The following PCDH9 variants were observed in gnomAD, a reference collection of about 807,000 sequenced individuals.
PCDH9 encodes protocadherin 9.
Under a neutral mutation model 70.6 loss-of-function variants are expected in PCDH9, and 24 were observed. The observed-to-expected ratio is 0.34, with a 90% CI of 0.25 to 0.48. PCDH9 has a LOEUF of 0.48. Among genes scored for constraint, PCDH9 ranks in the 20% least tolerant of loss-of-function variants. The probability of loss-of-function intolerance (pLI) is 0.99; values close to 1 mark genes in which losing one functional copy is unlikely to be tolerated. For synonymous variants in PCDH9, 562 were observed against 558.5 expected, an observed-to-expected ratio of 1.01 and a Z score of -0.09; for missense variants, 1,281 against 1,503.6, an observed-to-expected ratio of 0.85 and a Z score of 2.45.
At chr13:67,210,345 G>A (rs1248330794) in intron 2 of PCDH9, 1 of 152,020 alleles carries the variant, frequency 6.6e-6, no homozygotes, top group African/African-American at 2.4e-5. Flanking sequence ...AGGCAATACT[G>A]TGTTATCAAC....
In PCDH9 at chr13:67,226,320, A is replaced by G. The variant is rs767274695; in HGVS notation, c.2121T>C (p.Thr707=). The part of the protein sequence containing the change: ...VAEVFAVDVD[T]GMNAELKYTI... ...TATACTTTAGTTCAGCGTTCATTCC[A>G]GTGTCAACATCCACTGCAAAAACTT... Residue 707 remains threonine, a synonymous_variant, in exon 2 of 5, where the codon ACT becomes ACC. Transcript: ENST00000377865. The surrounding 1 kb of genome is among the most constrained non-coding windows in gnomAD (Gnocchi z 5.0). 7 of 1,614,048 alleles carry G rather than the reference A, an allele frequency of 4.3e-6. No homozygotes were observed. Among genetic ancestry groups the G allele is most frequent in the South Asian group, 1.1e-5 (1 of 91,088 alleles).
At chr13:67,093,378 C>T (rs1426830235) in intron 2 of PCDH9, among the ~76,000 whole-genome samples, 3 of 151,936 alleles carry the variant, frequency 2.0e-5, no homozygotes, top group Non-Finnish European at 2.9e-5. Context: ...CTCTTGAACC[C>T]GGGAGGCAGA....
chr13:67,142,114 T>C (rs928305030), intron 2 of PCDH9, among the ~76,000 whole-genome samples: 10 of 152,168 alleles, frequency 6.6e-5, no homozygotes, highest in Admixed American at 6.6e-4. Flanking sequence ...TGAGGAAACA[T>C]GGAAATATCA....
intron 3 of PCDH9, among the ~76,000 whole-genome samples, chr13:66,638,349 C>A (rs2077666453): frequency 6.6e-6 from 1 of 152,144 alleles, no homozygotes; most frequent in Admixed American, 6.5e-5. Context: ...GAGACTTTCA[C>A]TGTATTAATC....
chr13:66,414,454 G>T (rs9540742), intron 4 of PCDH9, among the ~76,000 whole-genome samples: 52,186 of 152,048 alleles, frequency 0.34, 9,609 homozygotes, highest in East Asian at 0.49. Flanking sequence ...CTCTGCAACT[G>T]CTCCCTTTCA....
intron 3 of PCDH9, among the ~76,000 whole-genome samples, chr13:66,773,113 C>T (rs7986441): frequency 0.081 from 12,387 of 152,150 alleles, 529 homozygotes; most frequent in East Asian, 0.14. Flanking sequence ...GTCAGCCAGC[C>T]GGTGTGTCTT....
intron 3 of PCDH9, among the ~76,000 whole-genome samples, chr13:66,867,568 C>A (rs984453953): frequency 6.6e-6 from 1 of 151,936 alleles, no homozygotes; most frequent in African/African-American, 2.4e-5. Flanking sequence ...AAACATAGAA[C>A]GTGCTGAATA....
chr13:66,386,843 C>G (rs1321067222), intron 4 of PCDH9, among the ~76,000 whole-genome samples: 1 of 152,104 alleles, frequency 6.6e-6, no homozygotes, highest in Non-Finnish European at 1.5e-5. Flanking sequence ...TACATTTTTA[C>G]TTAAAGTCAA....
At chr13:66,815,276 G>A (rs987691284) in intron 3 of PCDH9, among the ~76,000 whole-genome samples, 1 of 152,116 alleles carries the variant, frequency 6.6e-6, no homozygotes, top group African/African-American at 2.4e-5. Context: ...AAAAATAACA[G>A]ATGCTGGAGA....
intron 3 of PCDH9, among the ~76,000 whole-genome samples, chr13:66,724,305 T>C (rs2078978037): frequency 6.6e-6 from 1 of 152,136 alleles, no homozygotes. Flanking sequence ...TGGATCAGAA[T>C]TACCATGGAA....
chr13:66,661,713 T>C (rs2078011324), intron 3 of PCDH9, among the ~76,000 whole-genome samples: 1 of 152,210 alleles, frequency 6.6e-6, no homozygotes, highest in Non-Finnish European at 1.5e-5. Context: ...ATATCCAATC[T>C]GACACAGGAA....
intron 3 of PCDH9, among the ~76,000 whole-genome samples, chr13:66,897,792 A>G (rs1214300913): frequency 6.6e-6 from 1 of 152,108 alleles, no homozygotes; most frequent in Non-Finnish European, 1.5e-5. Flanking sequence ...TTGAAAATTT[A>G]TCTCTATATA....
chr13:66,352,728 G>T (rs1956311948), intron 4 of PCDH9, among the ~76,000 whole-genome samples: 1 of 152,090 alleles, frequency 6.6e-6, no homozygotes, highest in Non-Finnish European at 1.5e-5. Context: ...ATTTTGAGTG[G>T]ATACAAACAT....
intron 3 of PCDH9, among the ~76,000 whole-genome samples, chr13:66,709,444 T>C (rs189274103): frequency 9.8e-5 from 15 of 152,316 alleles, no homozygotes; most frequent in African/African-American, 3.6e-4. Context: ...AGCAATGTGG[T>C]ACACTATGCA....
chr13:66,887,077 A>ACACACC lies in PCDH9; in HGVS notation c.3138+16426_3138+16427insGGTGTG, dbSNP rs1491222485. On this transcript the variant is annotated intron_variant, in intron 3 of 4. Coordinates refer to ENST00000377865, the MANE Select transcript of PCDH9 (RefSeq NM_203487.3). ...CACACACACACACACACACACACACACCCTGTATTTCTAGACAATTCATTA... is the reference window on the plus strand; with the variant it reads ...CACACACACACACACACACACACACACACACCCCCTGTATTTCTAGACAATTCATTA... Among the ~76,000 whole-genome samples, 203 of 124,392 alleles carry ACACACC rather than the reference A, an allele frequency of 1.6e-3. 1 individual carries two copies. Among genetic ancestry groups the ACACACC allele is most frequent in the African/African-American group, 6.0e-3 (201 of 33,516 alleles). 81.6% of individuals were successfully genotyped at this position (124,392 alleles called of 152,430 possible).
chr13:67,115,270 G>A (rs187644365), intron 2 of PCDH9, among the ~76,000 whole-genome samples: 1 of 152,314 alleles, frequency 6.6e-6, no homozygotes, highest in Non-Finnish European at 1.5e-5. Flanking sequence ...GGTGAAGCCT[G>A]GGTGGGGTTT....
chr13:66,743,759 T>C (rs2079311364), intron 3 of PCDH9, among the ~76,000 whole-genome samples: 1 of 152,136 alleles, frequency 6.6e-6, no homozygotes, highest in Non-Finnish European at 1.5e-5. Context: ...CATAAATACA[T>C]ACAATTTTAG....
intron 3 of PCDH9, among the ~76,000 whole-genome samples, chr13:66,809,523 T>C (rs1010459204): frequency 2.6e-5 from 4 of 152,154 alleles, no homozygotes; most frequent in African/African-American, 7.2e-5. Context: ...AAACTAAATA[T>C]GGTAGCAGGG....
intron 3 of PCDH9, among the ~76,000 whole-genome samples, chr13:66,784,311 A>G (rs574748966): frequency 6.6e-6 from 1 of 152,272 alleles, no homozygotes; most frequent in Admixed American, 6.6e-5. Flanking sequence ...TTTCTTTAGA[A>G]AAGGATGGTT....
Sources: allele counts gnomAD v4.1 joint callset (sites outside exome capture counted in the v4.1 genomes callset), GRCh38; gene constraint gnomAD v4.1.1; non-coding constraint Gnocchi (gnomAD v3.1); transcripts MANE v1.5; gene names NCBI Gene and HGNC (gene_info 2026-07-23, HGNC 2026-07-21).